Variants in C10orf90 observed in about 807,000 individuals in gnomAD.
The protein encoded by C10orf90 is chromosome 10 open reading frame 90.
Under a neutral mutation model 62.5 loss-of-function variants are expected in C10orf90, and 56 were observed. That is an observed-to-expected ratio of 0.90 (90% CI 0.72 to 1.12). The LOEUF (loss-of-function observed/expected upper bound fraction) is 1.12. Ranked by LOEUF, C10orf90 falls within the 50% of genes most tolerant of loss-of-function variation. The pLI is 0.00. For synonymous variants in C10orf90, 386 were observed against 340.4 expected (o/e 1.13, Z -1.47); for missense variants, 970 against 880.4 (o/e 1.10, Z -1.29).
At chr10:126,439,208 T>G (rs1255246228) in intron 7 of C10orf90, among the ~76,000 whole-genome samples, 1 of 152,152 alleles carries the variant, frequency 6.6e-6, no homozygotes, top group African/African-American at 2.4e-5. Flanking sequence ...GTCTGCAATA[T>G]TGGCAATTGT....
At chr10:126,520,571 C>T (rs11599887) in intron 2 of C10orf90, 20,489 of 152,286 alleles carry the variant, frequency 0.13, 1,446 homozygotes, top group South Asian at 0.28. Context: ...AGTCCCGATC[C>T]GCTGCTACCC....
chr10:126,583,666 C>A (rs1844799047), intron 2 of C10orf90, among the ~76,000 whole-genome samples: 1 of 152,172 alleles, frequency 6.6e-6, no homozygotes, highest in African/African-American at 2.4e-5. Flanking sequence ...GCTCTGCCCC[C>A]CACCTTGCCA....
At chr10:126,544,716 TAAGTG>T (rs1459469711) in intron 2 of C10orf90, among the ~76,000 whole-genome samples, 1 of 152,140 alleles carries the variant, frequency 6.6e-6, no homozygotes, top group Non-Finnish European at 1.5e-5. Flanking sequence ...TGATTTTTCT[TAAGTG>T]AGGTGAGTGA....
Position 126,425,786 on chromosome 10 carries a change from A to G in C10orf90, c.*78T>C. 7.1e-7 allele frequency: 1 copy of G among 1,413,708 alleles called. No homozygotes were observed. Among genetic ancestry groups the G allele is most frequent in the Admixed American group, 2.3e-5 (1 of 42,934 alleles). 87.6% of individuals were successfully genotyped at this position (1,413,708 alleles called of 1,614,324 possible). ...ATAAGTGTTTTCCCATGATGAAGAT[A>G]ATGCTAAGTTTAATGGCTTATCCAG... On this transcript the variant is annotated 3_prime_UTR_variant, in exon 10 of 10. Transcript: ENST00000488181.
chr10:126,464,061 C>G (rs1860147332), intron 5 of C10orf90, among the ~76,000 whole-genome samples: 1 of 152,186 alleles, frequency 6.6e-6, no homozygotes, highest in South Asian at 2.1e-4. Flanking sequence ...ATTTTTCCTG[C>G]TGACATAACC....
At chr10:126,490,071 A>ATATAATATAATAATAATATATAATG (rs1861673211) in intron 4 of C10orf90, among the ~76,000 whole-genome samples, 1 of 115,026 alleles carries the variant, frequency 8.7e-6, no homozygotes, top group Admixed American at 1.1e-4. Context: ...AATATATAAT[A>ATATAATATAATAATAATATATAATG]TATAATATAA....
chr10:126,446,626 C>G (rs1000635490), intron 7 of C10orf90, among the ~76,000 whole-genome samples: 3 of 152,090 alleles, frequency 2.0e-5, no homozygotes, highest in African/African-American at 7.2e-5. Flanking sequence ...ACAAGAAATT[C>G]TGAAGAAGTT....
intron 4 of C10orf90, among the ~76,000 whole-genome samples, chr10:126,488,589 T>C (rs1005196140): frequency 1.3e-5 from 2 of 150,326 alleles, no homozygotes; most frequent in African/African-American, 4.9e-5. Flanking sequence ...GGGGAAAAAA[T>C]CAATAAAATG....
intron 2 of C10orf90, among the ~76,000 whole-genome samples, chr10:126,591,634 C>T (rs980823345): frequency 6.6e-6 from 1 of 152,066 alleles, no homozygotes; most frequent in Non-Finnish European, 1.5e-5. Context: ...TGAAAACCAG[C>T]ATAAGACAAG....
At chr10:126,470,749 C>CAAA (rs201564373) in intron 4 of C10orf90, among the ~76,000 whole-genome samples, 43 of 82,472 alleles carry the variant, frequency 5.2e-4, no homozygotes, top group African/African-American at 1.8e-3. Context: ...GACTCTGTCT[C>CAAA]AAAAAAAAAA....
chr10:126,432,561 C>T (rs964773541), intron 7 of C10orf90, among the ~76,000 whole-genome samples: 1 of 152,162 alleles, frequency 6.6e-6, no homozygotes, highest in Non-Finnish European at 1.5e-5. Context: ...GGCAAGAAGT[C>T]CCCGCAGGGG....
intron 4 of C10orf90, among the ~76,000 whole-genome samples, chr10:126,470,429 G>A (rs569220194): frequency 6.6e-6 from 1 of 152,284 alleles, no homozygotes; most frequent in East Asian, 1.9e-4. Flanking sequence ...GTTAATTTGT[G>A]GCCTTTTAAA....
At chr10:126,460,590 A>C (rs994777441) in intron 6 of C10orf90, among the ~76,000 whole-genome samples, 2 of 152,234 alleles carry the variant, frequency 1.3e-5, no homozygotes, top group Admixed American at 1.3e-4. Flanking sequence ...AGAGAGTTCC[A>C]TGCCTAAAGA....
In C10orf90 at chr10:126,610,177, C is replaced by A. The variant is rs1845402867; in HGVS notation, c.313+36388G>T. On this transcript the variant is annotated intron_variant, in intron 2 of 9. Transcript: ENST00000488181. ...GACCATGTCCACAGGGCTCCCTGGC[C>A]TCTGGCTTCTAGGGGGTTCACCCAA... 2.6e-5 allele frequency among the ~76,000 whole-genome samples: 4 copies of A among 152,202 alleles called. No homozygotes were observed. In the South Asian group the frequency reaches 8.3e-4, roughly 31 times the overall value.
At chr10:126,516,640 G>A (rs577544620) in intron 2 of C10orf90, among the ~76,000 whole-genome samples, 298 of 152,310 alleles carry the variant, frequency 2.0e-3, no homozygotes, top group African/African-American at 6.3e-3. Context: ...GCAGGGAGGC[G>A]GAGGGACTGC....
intron 7 of C10orf90, among the ~76,000 whole-genome samples, chr10:126,439,817 C>T (rs1035300747): frequency 6.6e-6 from 1 of 152,104 alleles, no homozygotes. Flanking sequence ...TATAGAACAG[C>T]ATCAAAAGAG....
chr10:126,529,827 C>T lies in C10orf90; in HGVS notation c.314-15888G>A, dbSNP rs143024370. Among the ~76,000 whole-genome samples, 7 of 152,310 alleles carry T rather than the reference C, an allele frequency of 4.6e-5. No individual in the cohort carries two copies. In the East Asian group the frequency reaches 1.2e-3, roughly 25 times the overall value. On this transcript the variant is annotated intron_variant, in intron 2 of 9. Transcript: ENST00000488181. ...TCAACAGAAAGATGAAAATACCTAA[C>T]ATCTAGCAATTCTGCTCTTATTTAC...
chr10:126,649,512 T>C (rs1591174439), intron 1 of C10orf90, among the ~76,000 whole-genome samples: 1 of 152,154 alleles, frequency 6.6e-6, no homozygotes, highest in Non-Finnish European at 1.5e-5. Flanking sequence ...CGCATTGTCC[T>C]ATTTGCATAA....
At chr10:126,554,392 A>AAGCCTTCGGAATTCAGAAGGTAGG (rs1272889585) in intron 2 of C10orf90, among the ~76,000 whole-genome samples, 13 of 152,274 alleles carry the variant, frequency 8.5e-5, no homozygotes, top group African/African-American at 2.4e-4. Flanking sequence ...TGGATGAGGA[A>AAGCCTTCGGAATTCAGAAGGTAGG]AGCCTTCGGA....
Sources: allele counts gnomAD v4.1 joint callset (sites outside exome capture counted in the v4.1 genomes callset), GRCh38; gene constraint gnomAD v4.1.1; transcripts MANE v1.5; gene names NCBI Gene and HGNC (gene_info 2026-07-23, HGNC 2026-07-21).